Variants in MYO16 observed in about 807,000 individuals in gnomAD.
MYO16 encodes the protein myosin XVI.
A neutral mutation model predicts 205.3 loss-of-function variants in MYO16; 94 were observed. The ratio of observed to expected loss-of-function variants is 0.46; its 90% CI spans 0.39 to 0.54. The LOEUF is 0.54. Among genes scored for constraint, MYO16 ranks in the 20% least tolerant of loss-of-function variants. The pLI, the probability that MYO16 is intolerant of heterozygous loss-of-function variation, is 0.00. For missense variants in MYO16, 2,315 were observed against 2,387.5 expected, an observed-to-expected ratio of 0.97 and a Z score of 0.63; for synonymous variants, 988 against 954.0, an observed-to-expected ratio of 1.04 and a Z score of -0.66.
chr13:108,959,965 T>C (rs1883518181), intron 17 of MYO16, among the ~76,000 whole-genome samples: 2 of 149,554 alleles, frequency 1.3e-5, no homozygotes, highest in African/African-American at 4.9e-5. Context: ...TGAAGACTAA[T>C]TGATTTAAAG....
intron 9 of MYO16, among the ~76,000 whole-genome samples, chr13:108,834,413 G>A (rs1198769608): frequency 6.6e-6 from 1 of 152,142 alleles, no homozygotes; most frequent in African/African-American, 2.4e-5. Flanking sequence ...CAGAGGCTGG[G>A]AGAAGATATA....
the MYO16 span, among the ~76,000 whole-genome samples, chr13:108,559,979 T>C: frequency 6.6e-6 from 1 of 152,178 alleles, no homozygotes; most frequent in Non-Finnish European, 1.5e-5. Flanking sequence ...TTAAAAATTG[T>C]TATGGTAGAC....
At chr13:108,957,241 G>A (rs551474471) in intron 16 of MYO16, among the ~76,000 whole-genome samples, 8 of 151,934 alleles carry the variant, frequency 5.3e-5, no homozygotes, top group East Asian at 2.0e-4. Context: ...AAAATTAGCC[G>A]GGCGTGGTGG....
chr13:108,983,964 C>T (rs540869099), intron 20 of MYO16, among the ~76,000 whole-genome samples: 1 of 152,230 alleles, frequency 6.6e-6, no homozygotes, highest in South Asian at 2.1e-4. Context: ...AATTTATCAG[C>T]CTGGAAAGGT....
chr13:108,525,396 G>A, the MYO16 span, among the ~76,000 whole-genome samples: 413 of 152,276 alleles, frequency 2.7e-3, 3 homozygotes, highest in African/African-American at 9.3e-3. Context: ...AGCATTGTGA[G>A]TGCTGTGCTC....
chr13:108,697,177 C>A (rs1883124896), intron 2 of MYO16, among the ~76,000 whole-genome samples: 1 of 152,076 alleles, frequency 6.6e-6, no homozygotes, highest in Non-Finnish European at 1.5e-5. Flanking sequence ...TTGAGGACAA[C>A]AATAAAAGAA....
At chr13:108,561,032 T>C in the MYO16 span, among the ~76,000 whole-genome samples, 816 of 152,354 alleles carry the variant, frequency 5.4e-3, 10 homozygotes, top group African/African-American at 0.019. Flanking sequence ...ATAGATGTTA[T>C]TTGCTTCCTG....
chr13:108,943,875 G>A (rs533864402), intron 16 of MYO16, among the ~76,000 whole-genome samples: 16 of 152,326 alleles, frequency 1.1e-4, no homozygotes, highest in Admixed American at 2.6e-4. Context: ...GAGAGCCACC[G>A]CCACCGGCTT....
chr13:109,032,544 T>C (rs755420743), intron 23 of MYO16, among the ~76,000 whole-genome samples: 4 of 152,242 alleles, frequency 2.6e-5, no homozygotes, highest in African/African-American at 7.2e-5. Context: ...AATGCACTTA[T>C]GTCCACATTT....
At chr13:108,942,842 A>G (rs1882785437) in intron 16 of MYO16, among the ~76,000 whole-genome samples, 1 of 152,294 alleles carries the variant, frequency 6.6e-6, no homozygotes, top group South Asian at 2.1e-4. Context: ...CAAGTATACA[A>G]TTTGTTCAAG....
chr13:109,098,148 CCTT>C (rs1888838648), intron 27 of MYO16, among the ~76,000 whole-genome samples: 1 of 141,400 alleles, frequency 7.1e-6, no homozygotes, highest in African/African-American at 2.6e-5. Flanking sequence ...GGAGAGAGAA[CCTT>C]CTTGTTCTCT....
intron 11 of MYO16, among the ~76,000 whole-genome samples, chr13:108,857,934 G>A (rs1405594874): frequency 6.6e-6 from 1 of 152,152 alleles, no homozygotes; most frequent in African/African-American, 2.4e-5. Context: ...GCCACTGTGC[G>A]AGGCACGGGT....
chr13:108,902,020 C>T (rs9301331), intron 15 of MYO16, among the ~76,000 whole-genome samples: 104 of 151,990 alleles, frequency 6.8e-4, no homozygotes, highest in African/African-American at 2.4e-3. Context: ...AAAGTGTTGA[C>T]AAAACTAAAA....
intron 1 of MYO16, among the ~76,000 whole-genome samples, chr13:108,622,427 G>T (rs1879578708): frequency 1.3e-5 from 2 of 152,134 alleles, no homozygotes; most frequent in African/African-American, 2.4e-5. Flanking sequence ...ATCCAAGGAA[G>T]TTTACTGAAA....
At chr13:108,554,578 G>A in the MYO16 span, among the ~76,000 whole-genome samples, 7,405 of 152,120 alleles carry the variant, frequency 0.049, 542 homozygotes, top group African/African-American at 0.16. Context: ...AGCCGGGCGT[G>A]GTGGCTCACG....
chr13:108,654,589 G>A (rs770471830), intron 1 of MYO16, among the ~76,000 whole-genome samples: 20 of 152,284 alleles, frequency 1.3e-4, no homozygotes, highest in South Asian at 2.1e-4. Flanking sequence ...AAACATACCC[G>A]AAAATGTGGA....
chr13:108,516,522 T>C, the MYO16 span, among the ~76,000 whole-genome samples: 4 of 152,140 alleles, frequency 2.6e-5, no homozygotes, highest in African/African-American at 9.7e-5. Flanking sequence ...TTTTTGAAAA[T>C]TGATCTTAGT....
chr13:108,710,656 C>T (rs999200809), intron 2 of MYO16, among the ~76,000 whole-genome samples: 1 of 152,146 alleles, frequency 6.6e-6, no homozygotes, highest in Non-Finnish European at 1.5e-5. Context: ...ACATAAAGTT[C>T]AGTAGCTTTC....
At chr13:108,913,617 C>G (rs935115209) in intron 16 of MYO16, among the ~76,000 whole-genome samples, 6 of 152,126 alleles carry the variant, frequency 3.9e-5, no homozygotes, top group African/African-American at 1.4e-4. Flanking sequence ...CTTCTGAATC[C>G]CTTCCTTAAA....
Sources: allele counts gnomAD v4.1 joint callset (sites outside exome capture counted in the v4.1 genomes callset), GRCh38; gene constraint gnomAD v4.1.1; transcripts MANE v1.5; gene names NCBI Gene and HGNC (gene_info 2026-07-23, HGNC 2026-07-21).